MYEF2: variants seen among roughly 807,000 people sequenced by gnomAD.
The protein encoded by MYEF2 is myelin expression factor 2.
In MYEF2, 37 loss-of-function variants were observed where a neutral mutation model predicts 75.2. The ratio of observed to expected loss-of-function variants is 0.49; its 90% CI spans 0.38 to 0.65. The LOEUF is 0.65. MYEF2 is among the 30% of genes least tolerant of loss of function. The pLI is 0.00. For missense variants in MYEF2, 634 were observed against 771.4 expected (o/e 0.82, Z 2.11); for synonymous variants, 195 against 241.6 (o/e 0.81, Z 1.79).
At chr15:48,150,954 T>C (rs1342088905) in intron 14 of MYEF2, 146 bp downstream of exon 14, 1 of 471,898 alleles carries the variant, frequency 2.1e-6, no homozygotes, top group Non-Finnish European at 3.8e-6. Flanking sequence ...AGAAAGGCTT[T>C]GCTCAATTAT....
intron 9 of MYEF2, among the ~76,000 whole-genome samples, chr15:48,155,923 C>T (rs1299097690): frequency 6.6e-6 from 1 of 151,928 alleles, no homozygotes; most frequent in Non-Finnish European, 1.5e-5. Flanking sequence ...TACAGGCATG[C>T]GCCACCATGC....
chr15:48,173,529 C>T (rs545900359), intron 1 of MYEF2, among the ~76,000 whole-genome samples: 1 of 152,028 alleles, frequency 6.6e-6, no homozygotes, highest in South Asian at 2.1e-4. Context: ...AAAAGGCAAC[C>T]AAATTGGAGA....
chr15:48,170,259 G>A (rs184744296), intron 1 of MYEF2, among the ~76,000 whole-genome samples: 32 of 151,992 alleles, frequency 2.1e-4, no homozygotes, highest in African/African-American at 7.2e-4. Context: ...CCAAGTAGCT[G>A]GAATTACAGG....
chr15:48,136,695 T>C lies in MYEF2; in HGVS notation c.*6213A>G, dbSNP rs1250037616. ...TTCTCTTTTGTAGGTATGAAGGGGCTTTACTGCTTTTGATATATGGATTGT... is the reference window on the plus strand; with the variant it reads ...TTCTCTTTTGTAGGTATGAAGGGGCCTTACTGCTTTTGATATATGGATTGT... On this transcript the variant is annotated 3_prime_UTR_variant, in exon 17 of 17. Coordinates refer to ENST00000324324, the MANE Select transcript of MYEF2 (RefSeq NM_016132.5). 1.9e-6 allele frequency: 3 copies of C among 1,607,304 alleles called. No individual in the cohort carries two copies. The highest frequency in any genetic ancestry group is 1.7e-6 in the Non-Finnish European group (2 of 1,176,384).
chr15:48,159,782 C>T lies in MYEF2; in HGVS notation c.548G>A (p.Arg183His), dbSNP rs773163913. The change falls in exon 6 of 17, where the codon CGT becomes CAT. Residue 183 changes from arginine to histidine, a missense_variant. Transcript: ENST00000324324. ...TCCTCCTGTTCGCTGCAATGCCCTACGAGCATTTTCTCCATCAGGATCCTA... is the reference window on the plus strand; with the variant it reads ...TCCTCCTGTTCGCTGCAATGCCCTATGAGCATTTTCTCCATCAGGATCCTA... ...IKEDPDGENA[R>H]RALQRTGGSF... The T allele has an allele frequency of 2.7e-5, 43 of 1,612,836 alleles. No homozygotes were observed. The highest frequency in any genetic ancestry group is 5.0e-5 in the Admixed American group (3 of 59,766).
At chr15:48,172,396 G>T (rs962425790) in intron 1 of MYEF2, among the ~76,000 whole-genome samples, 2 of 130,848 alleles carry the variant, frequency 1.5e-5, no homozygotes, top group Admixed American at 8.3e-5. Flanking sequence ...GCAAGACTCT[G>T]TATCAAAAAA....
At position 48,137,911 on chromosome 15, in the gene MYEF2, G is replaced by C. The variant is rs2038942276; in HGVS notation, c.*4997C>G. The stretch of plus-strand genomic sequence containing the variant: ...TATGGTCAAAATTATAAGTTCATGG[G>C]TTACCTTTTTATAAAGTGGTTGTCC... On this transcript the variant is annotated 3_prime_UTR_variant, in exon 17 of 17. Coordinates refer to ENST00000324324, the MANE Select transcript of MYEF2 (RefSeq NM_016132.5). 6.6e-6 allele frequency: 1 copy of C among 152,018 alleles called. No homozygotes were observed. The highest frequency in any genetic ancestry group is 1.5e-5 in the Non-Finnish European group (1 of 67,978). The allele number at this position is 152,018 out of a possible 1,614,324, so 9.4% of individuals were successfully genotyped here.
intron 9 of MYEF2, 165 bp downstream of exon 9, chr15:48,157,825 TATC>T (rs2039760803): frequency 7.3e-7 from 1 of 1,368,178 alleles, no homozygotes; most frequent in Admixed American, 3.1e-5. Flanking sequence ...ACGTAACACT[TATC>T]TTCTCAGTCT....
rs1328384138 is a variant in MYEF2 at position 48,141,947 on chromosome 15, C to A, written c.*961G>T. 11 of 1,016,634 alleles carry A rather than the reference C, an allele frequency of 1.1e-5. No individual in the cohort carries two copies. The African/African-American group carries it at 1.8e-4, about 16-fold the overall frequency. The allele number at this position is 1,016,634 out of a possible 1,614,324, so 63.0% of individuals were successfully genotyped here. A position where few individuals can be genotyped will look rare whatever the true frequency, so the allele number is the denominator to read the frequency against. On this transcript the variant is annotated 3_prime_UTR_variant, in exon 17 of 17. Coordinates refer to ENST00000324324, the MANE Select transcript of MYEF2 (RefSeq NM_016132.5). ...AAACGAATCAACAACAAAAAAGTAT[C>A]CAGTGTTTCTTTTCTTATGAAGATT...
At position 48,142,044 on chromosome 15, in the gene MYEF2, C is replaced by T. The variant is rs1164823833; in HGVS notation, c.*864G>A. The T allele has an allele frequency of 6.2e-7, 1 of 1,610,550 alleles. No individual in the cohort carries two copies. The highest frequency in any genetic ancestry group is 1.7e-5 in the Admixed American group (1 of 59,854). ...TCTTTTGTAGGGAAAGGAGATATGG[C>T]TATGTCTAACATCGTGGGATCCAAT... On this transcript the variant is annotated 3_prime_UTR_variant, in exon 17 of 17. Coordinates refer to ENST00000324324, the MANE Select transcript of MYEF2 (RefSeq NM_016132.5).
At chr15:48,176,284 G>C (rs913058267) in intron 1 of MYEF2, among the ~76,000 whole-genome samples, 2 of 150,806 alleles carry the variant, frequency 1.3e-5, no homozygotes, top group African/African-American at 4.9e-5. Flanking sequence ...ACTCATGCTG[G>C]ACCATCACAA....
In MYEF2 at chr15:48,142,133, G is replaced by T. The variant is rs373291729; in HGVS notation, c.*775C>A. ...TAAAACTGCATTTATAAATGGATCA[G>T]CTCCTGCAGAAGTAAACAGCAGAGG... On this transcript the variant is annotated 3_prime_UTR_variant, in exon 17 of 17. Coordinates refer to ENST00000324324, the MANE Select transcript of MYEF2 (RefSeq NM_016132.5). 1 of 1,613,580 alleles carries T rather than the reference G, an allele frequency of 6.2e-7. No individual in the cohort carries two copies. The highest frequency in any genetic ancestry group is 1.3e-5 in the African/African-American group (1 of 74,910).
In MYEF2 at chr15:48,141,198, G is replaced by T; in HGVS notation, c.*1710C>A. Reference sequence around the variant, plus strand: ...GCATACCAGACACAATTGCAAGTGTGTTGGTTGCAAGAAAAGGTAAGAACT... The same window carrying T: ...GCATACCAGACACAATTGCAAGTGTTTTGGTTGCAAGAAAAGGTAAGAACT... On this transcript the variant is annotated 3_prime_UTR_variant, in exon 17 of 17. Coordinates refer to ENST00000324324, the MANE Select transcript of MYEF2 (RefSeq NM_016132.5). 6.2e-7 allele frequency: 1 copy of T among 1,613,434 alleles called. No individual in the cohort carries two copies. Among genetic ancestry groups the T allele is most frequent in the East Asian group, 2.2e-5 (1 of 44,862 alleles).
At chr15:48,166,181 A>G in intron 3 of MYEF2, 53 bp from the exon 4 acceptor site, 1 of 1,380,560 alleles carries the variant, frequency 7.2e-7, no homozygotes, top group Non-Finnish European at 1.0e-6. Flanking sequence ...GTTTTAGATC[A>G]GTACATGAAG....
chr15:48,151,090 T>G lies in MYEF2; in HGVS notation c.1378+10A>C, dbSNP rs2039475368. ...ATTACTGAATAAATTCTAGTAAAATTTAAACCTACTTATTCCAGATCCTAC... is the reference window on the plus strand; with the variant it reads ...ATTACTGAATAAATTCTAGTAAAATGTAAACCTACTTATTCCAGATCCTAC... On this transcript the variant is annotated intron_variant, in intron 14 of 16. Coordinates refer to ENST00000324324, the MANE Select transcript of MYEF2 (RefSeq NM_016132.5). The G allele has an allele frequency of 1.3e-6, 2 of 1,584,944 alleles. No individual in the cohort carries two copies. Among genetic ancestry groups the G allele is most frequent in the Non-Finnish European group, 1.7e-6 (2 of 1,163,818 alleles).
chr15:48,164,979 T>A (rs1466168369), intron 5 of MYEF2, among the ~76,000 whole-genome samples: 1 of 152,142 alleles, frequency 6.6e-6, no homozygotes, highest in East Asian at 1.9e-4. Flanking sequence ...GAACCAAACC[T>A]ACAATAGCTC....
Position 48,151,563 on chromosome 15 carries a change from G to A in MYEF2, c.1216C>T (p.Arg406Cys), listed in dbSNP as rs750028351. The A allele has an allele frequency of 1.8e-5, 29 of 1,604,374 alleles. No individual in the cohort carries two copies. The highest frequency in any genetic ancestry group is 2.7e-5 in the African/African-American group (2 of 74,080). The change falls in exon 13 of 17, where the codon CGT becomes TGT. Residue 406 changes from arginine (R) to cysteine (C), a missense_variant. Physicochemically the swap from Arg to Cys is radical, Grantham distance 180. Transcript: ENST00000324324. ...TCCATGCTACTAGTCATCGCACCACGGTACAGCTCTGAAAAAATTGTGCAA... is the reference window on the plus strand; with the variant it reads ...TCCATGCTACTAGTCATCGCACCACAGTACAGCTCTGAAAAAATTGTGCAA... The part of the protein sequence containing the change: ...GGVGRMGELY[R>C]GAMTSSMERD...
At position 48,138,387 on chromosome 15, in the gene MYEF2, C is replaced by G. The variant is rs2038954944; in HGVS notation, c.*4521G>C. On this transcript the variant is annotated 3_prime_UTR_variant, in exon 17 of 17. Coordinates refer to ENST00000324324, the MANE Select transcript of MYEF2 (RefSeq NM_016132.5). The stretch of plus-strand genomic sequence containing the variant: ...TGTACTTTAGATGATATACTACCTC[C>G]TACTTTAAGGTTATTTCTATGAACT... 6.6e-6 allele frequency: 1 copy of G among 151,822 alleles called. No individual in the cohort carries two copies. Among genetic ancestry groups the G allele is most frequent in the African/African-American group, 2.4e-5 (1 of 41,360 alleles). 9.4% of individuals were successfully genotyped at this position (151,822 alleles called of 1,614,324 possible). A position where few individuals can be genotyped will look rare whatever the true frequency, so the allele number is the denominator to read the frequency against.
intron 1 of MYEF2, among the ~76,000 whole-genome samples, 194 bp downstream of exon 1, chr15:48,177,883 C>A (rs541938662): frequency 6.6e-6 from 1 of 152,148 alleles, no homozygotes; most frequent in South Asian, 2.1e-4. Flanking sequence ...AGACCACAGG[C>A]GGCCAGGCCT....
Sources: allele counts gnomAD v4.1 joint callset (sites outside exome capture counted in the v4.1 genomes callset), GRCh38; gene constraint gnomAD v4.1.1; transcripts MANE v1.5; gene names NCBI Gene and HGNC (gene_info 2026-07-23, HGNC 2026-07-21).